DEF8: variants seen among roughly 807,000 people sequenced by gnomAD.
DEF8 encodes the protein DEF-8.
A neutral mutation model predicts 59.1 loss-of-function variants in DEF8; 38 were observed. The observed-to-expected ratio is 0.64, with a 90% CI of 0.50 to 0.84. DEF8 has a LOEUF of 0.84. Among genes scored for constraint, DEF8 ranks in the 40% least tolerant of loss-of-function variants. The pLI, the probability that DEF8 is intolerant of heterozygous loss-of-function variation, is 0.00. For synonymous variants in DEF8, 265 were observed against 250.1 expected, an observed-to-expected ratio of 1.06 and a Z score of -0.56; for missense variants, 557 against 615.2, an observed-to-expected ratio of 0.91 and a Z score of 1.00.
intron 2 of DEF8, among the ~76,000 whole-genome samples, chr16:89,953,712 C>T (rs1036112636): frequency 1.3e-5 from 2 of 152,150 alleles, no homozygotes; most frequent in Non-Finnish European, 2.9e-5. Context: ...TGGAACTGTC[C>T]CCAAGTGTCC....
rs2031690963 is a variant in DEF8 at position 89,949,958 on chromosome 16, G to C, written c.-11+445G>C. 15 of 933,536 alleles carry C rather than the reference G, an allele frequency of 1.6e-5. No individual in the cohort carries two copies. The South Asian group carries it at 5.1e-4, about 32-fold the overall frequency. 57.8% of individuals were successfully genotyped at this position (933,536 alleles called of 1,614,324 possible). A position where few individuals can be genotyped will look rare whatever the true frequency, so the allele number is the denominator to read the frequency against. ...CCAGGTCTGTGTGAGCAGAAGCTAAGGCTGCGAGGCCAGCGGCCTCCCCTC... is the reference window on the plus strand; with the variant it reads ...CCAGGTCTGTGTGAGCAGAAGCTAACGCTGCGAGGCCAGCGGCCTCCCCTC... On this transcript the variant is annotated intron_variant, in intron 2 of 12. Transcript: ENST00000563594.
At position 89,967,542 on chromosome 16, in the gene DEF8, C is replaced by T. The variant is rs370022617; in HGVS notation, c.*1579C>T. 7 of 398,290 alleles carry T rather than the reference C, an allele frequency of 1.8e-5. No individual in the cohort carries two copies. Among genetic ancestry groups the T allele is most frequent in the Admixed American group, 8.8e-5 (2 of 22,702 alleles). The allele number at this position is 398,290 out of a possible 1,614,324, so 24.7% of individuals were successfully genotyped here. On this transcript the variant is annotated 3_prime_UTR_variant, in exon 13 of 13. Coordinates refer to ENST00000563594, the MANE Select transcript of DEF8 (RefSeq NM_001242818.2). ...GTGGAACGGTGAGCAGGGAACATGTCGGAGTCCTTCAGAGAATGTGATGTG... is the reference window on the plus strand; with the variant it reads ...GTGGAACGGTGAGCAGGGAACATGTTGGAGTCCTTCAGAGAATGTGATGTG...
At chr16:89,950,394 T>C (rs2151120276) in intron 2 of DEF8, 1 of 960,292 alleles carries the variant, frequency 1.0e-6, no homozygotes, top group Admixed American at 6.2e-5. Flanking sequence ...GGGCTGATTT[T>C]TTTTTTTTTT....
intron 10 of DEF8, 144 bp downstream of exon 10, chr16:89,963,587 AAAC>A: frequency 1.6e-6 from 1 of 636,262 alleles, no homozygotes; most frequent in Non-Finnish European, 2.7e-6. Context: ...GGAACAAAGC[AAAC>A]AGGTGTTCTG....
At position 89,960,943 on chromosome 16, in the gene DEF8, G is replaced by T; in HGVS notation, c.527G>T (p.Arg176Leu). The T allele has an allele frequency of 6.2e-7, 1 of 1,613,712 alleles. No homozygotes were observed. Among genetic ancestry groups the T allele is most frequent in the Non-Finnish European group, 8.5e-7 (1 of 1,179,914 alleles). The change falls in exon 7 of 13, where the codon CGC becomes CTC. Residue 176 changes from arginine to leucine, a missense_variant. Arg to Leu is a moderately radical substitution (Grantham distance 102). Coordinates refer to ENST00000563594, the MANE Select transcript of DEF8 (RefSeq NM_001242818.2). ...CCCTCCACCCTAGGGTGTTATTACC[G>T]CTGTCACAGTAAGTGCTTGAACCTC... ...TWYTCTGCYY[R>L]CHSKCLNLIS...
At position 89,966,200 on chromosome 16, in the gene DEF8, C is replaced by T. The variant is rs1475391568; in HGVS notation, c.*237C>T. ...GCTGCTGTGAGGGGTCCTTGCGTGG[C>T]CCCCATCCTTCCCCCAATGCAGAAC... On this transcript the variant is annotated 3_prime_UTR_variant, in exon 13 of 13. Transcript: ENST00000563594. The T allele has an allele frequency of 6.7e-6, 3 of 449,278 alleles. No individual in the cohort carries two copies. The highest frequency in any genetic ancestry group is 2.3e-5 in the South Asian group (1 of 42,632). 27.8% of individuals were successfully genotyped at this position (449,278 alleles called of 1,614,324 possible). A position where few individuals can be genotyped will look rare whatever the true frequency, so the allele number is the denominator to read the frequency against.
Position 89,966,366 on chromosome 16 carries a change from G to T in DEF8, c.*403G>T, listed in dbSNP as rs114768276. On this transcript the variant is annotated 3_prime_UTR_variant, in exon 13 of 13. Coordinates refer to ENST00000563594, the MANE Select transcript of DEF8 (RefSeq NM_001242818.2). ...CTGGAAGCTCATCAGGCCAAGACCC[G>T]GACAGAGCTTCAGAGGAGTGTTGAG... 1.5e-3 allele frequency: 247 copies of T among 166,852 alleles called. 1 individual carries two copies. Among genetic ancestry groups the T allele is most frequent in the African/African-American group, 5.5e-3 (231 of 42,044 alleles). The allele number at this position is 166,852 out of a possible 1,614,324, so 10.3% of individuals were successfully genotyped here.
At chr16:89,955,127 G>C in intron 3 of DEF8, 42 bp from the exon 4 acceptor site, 3 of 1,499,696 alleles carry the variant, frequency 2.0e-6, no homozygotes, top group Non-Finnish European at 2.8e-6. Context: ...GGAGGCAGGA[G>C]GTAGCAGCTG....
intron 2 of DEF8, chr16:89,952,486 C>T (rs1298666018): frequency 6.6e-6 from 1 of 152,274 alleles, no homozygotes; most frequent in African/African-American, 2.4e-5. Flanking sequence ...TCAGAACAGT[C>T]ACTTTACCAG....
intron 4 of DEF8, 166 bp from the exon 5 acceptor site, chr16:89,957,345 G>A: frequency 2.9e-6 from 2 of 691,394 alleles, no homozygotes; most frequent in Non-Finnish European, 4.6e-6. Flanking sequence ...TGACCGTGCT[G>A]CCACCTTTCC....
intron 4 of DEF8, chr16:89,956,655 A>C (rs1208168234): frequency 6.6e-6 from 1 of 151,052 alleles, no homozygotes; most frequent in African/African-American, 2.5e-5. Context: ...ACAGGTGTGC[A>C]CTACAATGCT....
chr16:89,950,252 C>G (rs534839804), intron 2 of DEF8: 4 of 985,656 alleles, frequency 4.1e-6, no homozygotes, highest in Non-Finnish European at 2.4e-6. Flanking sequence ...CAGTGCCAGT[C>G]TGTTCTGAGC....
At chr16:89,950,586 C>T (rs1299627610) in intron 2 of DEF8, among the ~76,000 whole-genome samples, 3 of 152,126 alleles carry the variant, frequency 2.0e-5, no homozygotes, top group Admixed American at 2.0e-4. Context: ...GACGGGGTTT[C>T]ACCATGTTGG....
chr16:89,952,857 A>G (rs572491338), intron 2 of DEF8, among the ~76,000 whole-genome samples: 95 of 152,278 alleles, frequency 6.2e-4, no homozygotes, highest in African/African-American at 2.2e-3. Flanking sequence ...GACAGGCCCC[A>G]TAGGTGGTGT....
intron 1 of DEF8, among the ~76,000 whole-genome samples, chr16:89,949,181 C>T (rs947070202): frequency 4.6e-5 from 7 of 151,376 alleles, no homozygotes; most frequent in Admixed American, 1.3e-4. Flanking sequence ...GGCCGCCCCA[C>T]CCCGGGGACG....
intron 7 of DEF8, 46 bp downstream of exon 7, chr16:89,961,141 C>T (rs756414281): frequency 1.4e-5 from 22 of 1,584,072 alleles, no homozygotes; most frequent in Non-Finnish European, 1.8e-5. Context: ...CTGTTCCTGG[C>T]GGGGAGCCGG....
chr16:89,953,817 G>C (rs2032636059), intron 2 of DEF8, among the ~76,000 whole-genome samples: 1 of 152,226 alleles, frequency 6.6e-6, no homozygotes. Context: ...CCATTTCTGA[G>C]AGGTGTGTCT....
In DEF8 at chr16:89,955,159, C is replaced by A; in HGVS notation, c.125-10C>A. 13 of 1,609,680 alleles carry A rather than the reference C, an allele frequency of 8.1e-6. No individual in the cohort carries two copies. Among genetic ancestry groups the A allele is most frequent in the Non-Finnish European group, 1.1e-5 (13 of 1,177,082 alleles). On this transcript the variant is annotated splice_polypyrimidine_tract_variant and intron_variant, in intron 3 of 12. Coordinates refer to ENST00000563594, the MANE Select transcript of DEF8 (RefSeq NM_001242818.2). ...GCTGACGCTCCACACCTGTCCCCGT[C>A]TTCCTCCAGAGGCCCTGCCTGAGCT...
chr16:89,952,138 A>G (rs552497371), intron 2 of DEF8, among the ~76,000 whole-genome samples: 16 of 152,272 alleles, frequency 1.1e-4, no homozygotes, highest in African/African-American at 2.9e-4. Context: ...CGGCCTCCCA[A>G]TGTGCTGGGA....
Sources: gnomAD v4.1 joint callset for allele counts (sites outside exome capture counted in the v4.1 genomes callset) on GRCh38, gnomAD v4.1.1 for gene constraint, MANE v1.5 for transcripts, NCBI Gene and HGNC (gene_info 2026-07-23, HGNC 2026-07-21) for gene names.